Variants in CCDC169 observed in about 807,000 individuals in gnomAD.
CCDC169 encodes coiled-coil domain-containing protein 169.
CCDC169 carries 30 observed loss-of-function variants against 36.0 expected under a neutral mutation model. That is an observed-to-expected ratio of 0.83 (90% CI 0.62 to 1.13). CCDC169 has a LOEUF of 1.13. Ranked by LOEUF, CCDC169 falls within the 50% of genes most tolerant of loss-of-function variation. CCDC169 has a pLI of 0.00. For synonymous variants in CCDC169, 85 were observed against 81.5 expected (o/e 1.04, Z -0.23); for missense variants, 245 against 245.9 (o/e 1.00, Z 0.03).
rs190077419 is a variant in CCDC169, at chr13:36,270,456, T to C, written c.315+13013A>G. On this transcript the variant is annotated intron_variant, in intron 4 of 7. Transcript: ENST00000239859. The stretch of plus-strand genomic sequence containing the variant: ...ATATTGAACCAAAAAAGAGCCCAAA[T>C]AGCCAAAGCAATCCTAATCAAAAAG... Among the ~76,000 whole-genome samples, 8 of 152,060 alleles carry C rather than the reference T, an allele frequency of 5.3e-5. No individual in the cohort carries two copies. In the East Asian group the frequency reaches 1.5e-3, roughly 29 times the overall value.
intron 4 of CCDC169, among the ~76,000 whole-genome samples, chr13:36,264,246 C>T (rs996209916): frequency 2.6e-5 from 4 of 151,948 alleles, no homozygotes; most frequent in African/African-American, 9.7e-5. Flanking sequence ...CTGAAACATA[C>T]ACAATAAATA....
chr13:36,296,273 T>C (rs1879473360), intron 1 of CCDC169, among the ~76,000 whole-genome samples: 1 of 152,170 alleles, frequency 6.6e-6, no homozygotes, highest in African/African-American at 2.4e-5. Context: ...TTTGTATTTT[T>C]AGAAGAGACA....
At chr13:36,264,518 CA>C (rs1875021613) in intron 4 of CCDC169, among the ~76,000 whole-genome samples, 1 of 151,958 alleles carries the variant, frequency 6.6e-6, no homozygotes, top group Non-Finnish European at 1.5e-5. Context: ...GGAGCTATTC[CA>C]AGTTATTAAA....
At chr13:36,247,862 T>C (rs1359269146) in intron 7 of CCDC169, among the ~76,000 whole-genome samples, 3 of 152,236 alleles carry the variant, frequency 2.0e-5, no homozygotes, top group Non-Finnish European at 2.9e-5. Context: ...AAAGAATTTC[T>C]ACTGTGGGTA....
intron 7 of CCDC169, 122 bp from the exon 8 acceptor site, chr13:36,231,414 A>G: frequency 1.1e-6 from 1 of 903,406 alleles, no homozygotes; most frequent in Non-Finnish European, 1.6e-6. Context: ...CTTCACACGG[A>G]AACCTTCCTG....
At chr13:36,291,913 T>C (rs946781743) in intron 2 of CCDC169, among the ~76,000 whole-genome samples, 23 of 152,048 alleles carry the variant, frequency 1.5e-4, no homozygotes, top group African/African-American at 4.1e-4. Flanking sequence ...TATTTGGGCA[T>C]AGAAACCAGC....
intron 2 of CCDC169, among the ~76,000 whole-genome samples, chr13:36,286,696 C>T (rs972710799): frequency 4.6e-5 from 7 of 152,086 alleles, no homozygotes; most frequent in Non-Finnish European, 8.8e-5. Context: ...TCTTCTCAGC[C>T]AAAACCACCC....
At chr13:36,282,304 T>A (rs1332357446) in intron 4 of CCDC169, 1 of 912,268 alleles carries the variant, frequency 1.1e-6, no homozygotes, top group Admixed American at 6.2e-5. Flanking sequence ...CACAATTATA[T>A]GTCTGAATTT....
At chr13:36,275,877 A>G (rs1876739415) in intron 4 of CCDC169, among the ~76,000 whole-genome samples, 1 of 152,208 alleles carries the variant, frequency 6.6e-6, no homozygotes, top group Non-Finnish European at 1.5e-5. Context: ...GTCAATGAGT[A>G]ATAAGACTGG....
intron 7 of CCDC169, among the ~76,000 whole-genome samples, chr13:36,245,641 A>G (rs1031556791): frequency 6.6e-6 from 1 of 152,162 alleles, no homozygotes; most frequent in African/African-American, 2.4e-5. Context: ...TACATAGAAA[A>G]AACAGTTTAA....
At chr13:36,272,876 G>A (rs1010366156) in intron 4 of CCDC169, among the ~76,000 whole-genome samples, 2 of 152,162 alleles carry the variant, frequency 1.3e-5, no homozygotes, top group Admixed American at 6.5e-5. Flanking sequence ...GGATGGCAGA[G>A]GGGTCCCAGT....
chr13:36,237,563 A>C (rs1871244869), intron 7 of CCDC169, among the ~76,000 whole-genome samples: 2 of 152,226 alleles, frequency 1.3e-5, no homozygotes, highest in Non-Finnish European at 2.9e-5. Flanking sequence ...GATTCGGTAA[A>C]TAAAATGTGG....
At chr13:36,237,540 T>G (rs1871242835) in intron 7 of CCDC169, among the ~76,000 whole-genome samples, 1 of 152,188 alleles carries the variant, frequency 6.6e-6, no homozygotes, top group Non-Finnish European at 1.5e-5. Context: ...CATGTAAATG[T>G]TCATCAGCTG....
intron 4 of CCDC169, among the ~76,000 whole-genome samples, chr13:36,265,764 G>T (rs143624355): frequency 2.6e-5 from 4 of 152,296 alleles, no homozygotes; most frequent in Admixed American, 6.5e-5. Context: ...GACCCATAAG[G>T]GGGTAACTTT....
intron 2 of CCDC169, among the ~76,000 whole-genome samples, chr13:36,292,130 G>A (rs1226819959): frequency 1.3e-5 from 2 of 151,914 alleles, no homozygotes; most frequent in Admixed American, 1.3e-4. Flanking sequence ...TGGGATTACA[G>A]GCACCCACCA....
At position 36,297,790 on chromosome 13, in the gene CCDC169, A is replaced by T; in HGVS notation, c.-71T>A. The T allele has an allele frequency of 7.1e-7, 1 of 1,415,200 alleles. No individual in the cohort carries two copies. The highest frequency in any genetic ancestry group is 9.7e-7 in the Non-Finnish European group (1 of 1,030,296). 87.7% of individuals were successfully genotyped at this position (1,415,200 alleles called of 1,614,324 possible). On this transcript the variant is annotated 5_prime_UTR_variant, in exon 1 of 8. Coordinates refer to ENST00000239859, the MANE Select transcript of CCDC169 (RefSeq NM_001144981.3). ...GAGCACAAGACATTAAGGGCCACCCAGAAGCCAGTACGGCACGAGGCGGTG... is the reference window on the plus strand; with the variant it reads ...GAGCACAAGACATTAAGGGCCACCCTGAAGCCAGTACGGCACGAGGCGGTG...
intron 7 of CCDC169, among the ~76,000 whole-genome samples, chr13:36,240,303 T>C (rs1871636442): frequency 6.6e-6 from 1 of 152,034 alleles, no homozygotes; most frequent in African/African-American, 2.4e-5. Flanking sequence ...CATATTCTTA[T>C]ATAAAACCTA....
chr13:36,276,268 A>G (rs1203517698), intron 4 of CCDC169, among the ~76,000 whole-genome samples: 1 of 152,240 alleles, frequency 6.6e-6, no homozygotes, highest in Non-Finnish European at 1.5e-5. Flanking sequence ...TCTTTTTCTA[A>G]GAATATTTTC....
intron 4 of CCDC169, among the ~76,000 whole-genome samples, chr13:36,254,652 G>A (rs1187680893): frequency 1.3e-5 from 2 of 152,096 alleles, no homozygotes; most frequent in African/African-American, 2.4e-5. Flanking sequence ...ATTGTACTAA[G>A]TGTTTTTCTT....
Sources: gnomAD v4.1 joint callset for allele counts (sites outside exome capture counted in the v4.1 genomes callset) on GRCh38, gnomAD v4.1.1 for gene constraint, MANE v1.5 for transcripts, NCBI Gene and HGNC (gene_info 2026-07-23, HGNC 2026-07-21) for gene names.